The following LSM11 variants were observed in gnomAD, a reference collection of about 807,000 sequenced individuals.
LSM11 encodes LSM11, U7 small nuclear RNA associated.
LSM11 carries 14 observed loss-of-function variants against 28.1 expected under a neutral mutation model. The observed-to-expected ratio is 0.50, with a 90% CI of 0.33 to 0.78. The LOEUF (loss-of-function observed/expected upper bound fraction) is 0.78, where lower values mean the gene tolerates loss of function less well. LSM11 is among the 30% of genes least tolerant of loss of function. The pLI, the probability that LSM11 is intolerant of heterozygous loss-of-function variation, is 0.02. For missense variants in LSM11, 495 were observed against 510.6 expected (o/e 0.97, Z 0.30); for synonymous variants, 207 against 214.2 (o/e 0.97, Z 0.30).
chr5:157,750,984 G>A (rs1761222079), intron 1 of LSM11, among the ~76,000 whole-genome samples: 1 of 152,130 alleles, frequency 6.6e-6, no homozygotes, highest in South Asian at 2.1e-4. Flanking sequence ...GTTTCACCAT[G>A]TTGGCCAGGC....
intron 1 of LSM11, among the ~76,000 whole-genome samples, chr5:157,744,471 G>T (rs1324479508): frequency 6.6e-6 from 1 of 152,152 alleles, no homozygotes; most frequent in Non-Finnish European, 1.5e-5. Context: ...ATAAGAAGCC[G>T]TGGGAAAGGT....
intron 1 of LSM11, chr5:157,747,797 ATC>A (rs1761169336): frequency 6.6e-6 from 1 of 152,340 alleles, no homozygotes; most frequent in Non-Finnish European, 1.5e-5. Context: ...TTTGAACAGC[ATC>A]TCTGTTACAC....
chr5:157,744,923 A>G (rs1178980472), intron 1 of LSM11, among the ~76,000 whole-genome samples: 1 of 152,146 alleles, frequency 6.6e-6, no homozygotes, highest in Non-Finnish European at 1.5e-5. Flanking sequence ...ACTAAAACAC[A>G]GACGCTGTTT....
chr5:157,745,605 G>C (rs1476308761), intron 1 of LSM11, among the ~76,000 whole-genome samples: 1 of 152,204 alleles, frequency 6.6e-6, no homozygotes, highest in African/African-American at 2.4e-5. Context: ...ATTGTCAAGG[G>C]AAAGGAATAT....
At chr5:157,751,885 C>T (rs999456052) in intron 2 of LSM11, among the ~76,000 whole-genome samples, 1 of 152,166 alleles carries the variant, frequency 6.6e-6, no homozygotes, top group African/African-American at 2.4e-5. Context: ...AGTCCCTCAA[C>T]AACAAAGAAT....
chr5:157,750,609 A>C (rs1027852331), intron 1 of LSM11, among the ~76,000 whole-genome samples: 1 of 152,198 alleles, frequency 6.6e-6, no homozygotes, highest in African/African-American at 2.4e-5. Flanking sequence ...TTTCTTTCTG[A>C]CAGGATTGTA....
At chr5:157,746,081 A>AG (rs940895031) in intron 1 of LSM11, among the ~76,000 whole-genome samples, 71 of 152,284 alleles carry the variant, frequency 4.7e-4, no homozygotes, top group African/African-American at 1.5e-3. Context: ...AAAAGTTGGA[A>AG]GGGGGGAAAA....
intron 1 of LSM11, 62 bp downstream of exon 1, chr5:157,744,260 G>T (rs1052523394): frequency 8.5e-7 from 1 of 1,170,624 alleles, no homozygotes. Context: ...CTGCCGAGGG[G>T]GCGTCTGCGG....
rs1367415158 is a variant in LSM11, at chr5:157,744,217, C to T, written c.448+19C>T. Reference sequence around the variant, plus strand: ...ATGCCCTGTGAGTCCGCGGGCCGGGCGGGAAGCGGGGCAGCCGCCGTCCGG... The same window carrying T: ...ATGCCCTGTGAGTCCGCGGGCCGGGTGGGAAGCGGGGCAGCCGCCGTCCGG... On this transcript the variant is annotated intron_variant, in intron 1 of 3. Transcript: ENST00000286307. 3.2e-6 allele frequency: 4 copies of T among 1,254,928 alleles called. No individual in the cohort carries two copies. Among genetic ancestry groups the T allele is most frequent in the African/African-American group, 1.6e-5 (1 of 64,468 alleles). 77.7% of individuals were successfully genotyped at this position (1,254,928 alleles called of 1,614,324 possible).
chr5:157,753,904 G>A (rs1163649484), intron 2 of LSM11, 100 bp from the exon 3 acceptor site: 3 of 787,702 alleles, frequency 3.8e-6, no homozygotes, highest in Non-Finnish European at 5.7e-6. Flanking sequence ...GTTCTGCTCT[G>A]AATAGATGTT....
In LSM11 at chr5:157,743,731, G is replaced by C; in HGVS notation, c.-20G>C. ...TTCGTTCCTTCTTCCCATCGGCCTC[G>C]GCTTGCGGGCCTTTCAAACATGGAG... On this transcript the variant is annotated 5_prime_UTR_variant, in exon 1 of 4. Transcript: ENST00000286307. 7.5e-7 allele frequency: 1 copy of C among 1,329,356 alleles called. No homozygotes were observed. Among genetic ancestry groups the C allele is most frequent in the Non-Finnish European group, 9.6e-7 (1 of 1,039,372 alleles). The allele number at this position is 1,329,356 out of a possible 1,614,324, so 82.3% of individuals were successfully genotyped here.
Position 157,744,057 on chromosome 5 carries a change from C to A in LSM11, c.307C>A (p.Pro103Thr). The A allele has an allele frequency of 6.9e-7, 1 of 1,454,632 alleles. No homozygotes were observed. The allele number at this position is 1,454,632 out of a possible 1,614,324, so 90.1% of individuals were successfully genotyped here. A position where few individuals can be genotyped will look rare whatever the true frequency, so the allele number is the denominator to read the frequency against. The change falls in exon 1 of 4, where the codon CCC becomes ACC. Residue 103 changes from proline (P) to threonine (T), a missense_variant. Transcript: ENST00000286307. Reference protein sequence around the residue: ...SGRTRRRPDAPAPDPERIQRL... With the variant: ...SGRTRRRPDATAPDPERIQRL... ...CAGGACTCGTCGCCGCCCGGACGCG[C>A]CCGCCCCGGACCCCGAGCGCATCCA...
chr5:157,750,188 C>A (rs1430163586), intron 1 of LSM11, among the ~76,000 whole-genome samples: 2 of 152,120 alleles, frequency 1.3e-5, no homozygotes, highest in Admixed American at 1.3e-4. Context: ...GAGGTCAAGG[C>A]TGGAGTGAGC....
intron 1 of LSM11, among the ~76,000 whole-genome samples, chr5:157,748,099 CATT>C (rs1204917475): frequency 6.6e-6 from 1 of 152,052 alleles, no homozygotes; most frequent in Non-Finnish European, 1.5e-5. Flanking sequence ...CTGATTCAAA[CATT>C]GTACTTTCAA....
chr5:157,751,674 C>A, intron 2 of LSM11, 145 bp downstream of exon 2: 1 of 933,548 alleles, frequency 1.1e-6, no homozygotes, highest in Non-Finnish European at 1.6e-6. Flanking sequence ...TTTTGGGCAA[C>A]AACAAGAAAA....
chr5:157,744,059 C>A lies in LSM11; in HGVS notation c.309C>A (p.Pro103=). The A allele has an allele frequency of 2.7e-6, 4 of 1,456,248 alleles. No individual in the cohort carries two copies. The highest frequency in any genetic ancestry group is 3.6e-6 in the Non-Finnish European group (4 of 1,106,300). 90.2% of individuals were successfully genotyped at this position (1,456,248 alleles called of 1,614,324 possible). The change falls in exon 1 of 4, where the codon CCC becomes CCA. Residue 103 remains proline (P), a synonymous_variant. Coordinates refer to ENST00000286307, the MANE Select transcript of LSM11 (RefSeq NM_173491.4). ...SGRTRRRPDA[P]APDPERIQRL... Reference sequence around the variant, plus strand: ...GGACTCGTCGCCGCCCGGACGCGCCCGCCCCGGACCCCGAGCGCATCCAGC... The same window carrying A: ...GGACTCGTCGCCGCCCGGACGCGCCAGCCCCGGACCCCGAGCGCATCCAGC...
In LSM11 at chr5:157,744,140, C is replaced by CCGGAGGGGTCCGGGT. The variant is rs769598105; in HGVS notation, c.396_410dup (p.Arg132_Arg136dup). On this transcript the variant is annotated inframe_insertion, in exon 1 of 4. Transcript: ENST00000286307. The stretch of plus-strand genomic sequence containing the variant: ...AAGGGGACGGGGCCGCAGGAGCGGG[C>CCGGAGGGGTCCGGGT]CGGAGGGGTCCGGGTCGGAGCAGGA... The CCGGAGGGGTCCGGGT allele has an allele frequency of 3.4e-6, 5 of 1,453,554 alleles. No individual in the cohort carries two copies. The highest frequency in any genetic ancestry group is 1.5e-5 in the African/African-American group (1 of 68,652). The allele number at this position is 1,453,554 out of a possible 1,614,324, so 90.0% of individuals were successfully genotyped here.
chr5:157,758,159 C>CT lies in LSM11; in HGVS notation c.*2896dup, dbSNP rs1479026554. The CT allele has an allele frequency of 3.3e-4, 50 of 152,282 alleles. No homozygotes were observed. Among genetic ancestry groups the CT allele is most frequent in the African/African-American group, 1.1e-3 (47 of 41,560 alleles). 9.4% of individuals were successfully genotyped at this position (152,282 alleles called of 1,614,324 possible). A position where few individuals can be genotyped will look rare whatever the true frequency, so the allele number is the denominator to read the frequency against. ...TTTGAGACAATTTCTCTCTTGTTGC[C>CT]TAGGCAGTGCAGTGGCGCGATCTCA... On this transcript the variant is annotated 3_prime_UTR_variant, in exon 4 of 4. Coordinates refer to ENST00000286307, the MANE Select transcript of LSM11 (RefSeq NM_173491.4).
At chr5:157,752,142 C>G (rs1581451830) in intron 2 of LSM11, among the ~76,000 whole-genome samples, 1 of 148,986 alleles carries the variant, frequency 6.7e-6, no homozygotes, top group Non-Finnish European at 1.5e-5. Flanking sequence ...CATCAGTAAA[C>G]AAAGCATTTT....
Sources: allele counts gnomAD v4.1 joint callset (sites outside exome capture counted in the v4.1 genomes callset), GRCh38; gene constraint gnomAD v4.1.1; transcripts MANE v1.5; gene names NCBI Gene and HGNC (gene_info 2026-07-23, HGNC 2026-07-21).